The following CDK14 variants were observed in gnomAD, a reference collection of about 807,000 sequenced individuals.
The protein encoded by CDK14 is cyclin-dependent kinase 14.
In CDK14, 34 loss-of-function variants were observed where a neutral mutation model predicts 60.7. The ratio of observed to expected loss-of-function variants is 0.56; its 90% CI spans 0.43 to 0.75. The LOEUF (loss-of-function observed/expected upper bound fraction) is 0.75. Among genes scored for constraint, CDK14 ranks in the 30% least tolerant of loss-of-function variants. The pLI is 0.00. For synonymous variants in CDK14, 197 were observed against 203.7 expected (o/e 0.97, Z 0.28); for missense variants, 482 against 564.1 (o/e 0.85, Z 1.47).
intron 11 of CDK14, among the ~76,000 whole-genome samples, chr7:91,061,204 C>T (rs1390935671): frequency 2.0e-5 from 3 of 152,220 alleles, no homozygotes; most frequent in African/African-American, 7.2e-5. Context: ...GCTACTGAGG[C>T]TTGTGCATTC....
rs987280506 is a variant in CDK14, at chr7:91,035,336, C to G, written c.1042-10561C>G. ...CTGAATGCAAAATGCAACCTTAATT[C>G]TGCCTAAACCTCATAAAGGTGCTGA... On this transcript the variant is annotated intron_variant, in intron 10 of 14. Transcript: ENST00000380050. Among the ~76,000 whole-genome samples, 25 of 152,168 alleles carry G rather than the reference C, an allele frequency of 1.6e-4. 1 individual carries two copies. Among genetic ancestry groups the G allele is most frequent in the African/African-American group, 6.0e-4 (25 of 41,430 alleles).
intron 14 of CDK14, among the ~76,000 whole-genome samples, chr7:91,182,139 C>T (rs1323627427): frequency 2.0e-5 from 3 of 152,082 alleles, no homozygotes; most frequent in Non-Finnish European, 2.9e-5. Flanking sequence ...TACTCATCTG[C>T]TTTATCCCAC....
intron 5 of CDK14, among the ~76,000 whole-genome samples, chr7:90,795,865 G>C (rs1446189111): frequency 6.6e-6 from 1 of 152,160 alleles, no homozygotes; most frequent in African/African-American, 2.4e-5. Context: ...TGACAAGAAG[G>C]TTCGTAGTGG....
chr7:90,857,308 A>G (rs1790856778), intron 5 of CDK14, among the ~76,000 whole-genome samples: 1 of 152,204 alleles, frequency 6.6e-6, no homozygotes, highest in Non-Finnish European at 1.5e-5. Context: ...GGCTGCGAAT[A>G]TGAATCTGAA....
In CDK14 at chr7:90,651,801, A is replaced by T. The variant is rs139024297; in HGVS notation, c.123+47552A>T. 1.7e-3 allele frequency among the ~76,000 whole-genome samples: 264 copies of T among 151,956 alleles called. 1 individual carries two copies. Among genetic ancestry groups the T allele is most frequent in the African/African-American group, 5.9e-3 (244 of 41,430 alleles). ...ATTGACTTCATGGATCTGGCCTCTT[A>T]GAGCAGGCCTCCAGGATCCTAATTC... is the stretch of plus-strand genomic sequence containing the variant. On this transcript the variant is annotated intron_variant, in intron 2 of 14. Coordinates refer to ENST00000380050, the MANE Select transcript of CDK14 (RefSeq NM_001287135.2).
At chr7:90,663,703 T>TG (rs1800910776) in intron 2 of CDK14, among the ~76,000 whole-genome samples, 1 of 152,226 alleles carries the variant, frequency 6.6e-6, no homozygotes, top group Non-Finnish European at 1.5e-5. Context: ...TTCCTTTTAA[T>TG]GGTTCAAGAG....
At chr7:90,626,172 A>C (rs1000208771) in intron 2 of CDK14, among the ~76,000 whole-genome samples, 1 of 152,200 alleles carries the variant, frequency 6.6e-6, no homozygotes. Context: ...TGAATGCCTT[A>C]GACCAGGAAA....
chr7:91,024,642 C>A (rs536578964), intron 10 of CDK14, among the ~76,000 whole-genome samples: 26 of 152,314 alleles, frequency 1.7e-4, no homozygotes, highest in African/African-American at 6.3e-4. Flanking sequence ...TAGAGTGAGA[C>A]TCTGTCTCAA....
chr7:90,649,476 TTTAA>T (rs1335683165), intron 2 of CDK14, among the ~76,000 whole-genome samples: 1 of 148,742 alleles, frequency 6.7e-6, no homozygotes. Context: ...TTTCTTTTTT[TTTAA>T]TTAAAGTTCT....
intron 2 of CDK14, among the ~76,000 whole-genome samples, chr7:90,656,438 G>C (rs1800753165): frequency 6.7e-6 from 1 of 148,300 alleles, no homozygotes; most frequent in South Asian, 2.1e-4. Flanking sequence ...GGAGTGCAGT[G>C]GAGCAGTCTT....
chr7:91,041,455 C>T (rs945687257), intron 10 of CDK14, among the ~76,000 whole-genome samples: 9 of 152,120 alleles, frequency 5.9e-5, no homozygotes, highest in Admixed American at 4.6e-4. Flanking sequence ...TGCCCTCAGC[C>T]CCCAAACTTG....
intron 2 of CDK14, among the ~76,000 whole-genome samples, chr7:90,614,441 A>ATC (rs1799609805): frequency 1.2e-5 from 1 of 85,502 alleles, no homozygotes; most frequent in Non-Finnish European, 2.4e-5. Flanking sequence ...GTCTTAAAGG[A>ATC]GCTTTCATCA....
intron 4 of CDK14, among the ~76,000 whole-genome samples, chr7:90,750,153 AACACACACACACAC>A (rs3138824): frequency 0.011 from 1,464 of 131,390 alleles, 10 homozygotes; most frequent in Non-Finnish European, 0.016. Flanking sequence ...GGGGAAAGAA[AACACACACACACAC>A]ACACACACAC....
chr7:90,817,994 A>T (rs1312281811), intron 5 of CDK14, among the ~76,000 whole-genome samples: 1 of 152,224 alleles, frequency 6.6e-6, no homozygotes, highest in African/African-American at 2.4e-5. Context: ...ACCTAAGCCC[A>T]TCTGACTCTT....
chr7:90,813,382 A>G (rs1049745177), intron 5 of CDK14, among the ~76,000 whole-genome samples: 1 of 152,174 alleles, frequency 6.6e-6, no homozygotes, highest in Non-Finnish European at 1.5e-5. Context: ...ACTGAAAACT[A>G]TTGAATTGTA....
At chr7:91,125,119 C>T (rs931677895) in intron 14 of CDK14, among the ~76,000 whole-genome samples, 3 of 151,958 alleles carry the variant, frequency 2.0e-5, no homozygotes, top group South Asian at 4.2e-4. Context: ...ATGACAATGT[C>T]GAGAAGGAAA....
chr7:90,756,252 C>T (rs776817911), intron 4 of CDK14, among the ~76,000 whole-genome samples: 8 of 152,152 alleles, frequency 5.3e-5, no homozygotes, highest in Admixed American at 4.6e-4. Flanking sequence ...TATAAGAAAA[C>T]GAACCACTTG....
intron 10 of CDK14, among the ~76,000 whole-genome samples, chr7:91,038,831 TC>T (rs1489858224): frequency 2.0e-5 from 3 of 152,182 alleles, no homozygotes; most frequent in African/African-American, 7.2e-5. Flanking sequence ...ACACAAGCTC[TC>T]TCTTTGCCGG....
At chr7:90,637,760 G>T (rs1800189844) in intron 2 of CDK14, among the ~76,000 whole-genome samples, 1 of 101,542 alleles carries the variant, frequency 9.8e-6, no homozygotes, top group African/African-American at 4.3e-5. Flanking sequence ...TTATTATTGT[G>T]TGGGAGTCTA....
Sources: gnomAD v4.1 joint callset for allele counts (sites outside exome capture counted in the v4.1 genomes callset) on GRCh38, gnomAD v4.1.1 for gene constraint, MANE v1.5 for transcripts, NCBI Gene and HGNC (gene_info 2026-07-23, HGNC 2026-07-21) for gene names.